TPD52L1: variants seen among roughly 807,000 people sequenced by gnomAD.
TPD52L1 encodes tumor protein D53.
TPD52L1 carries 18 observed loss-of-function variants against 28.7 expected under a neutral mutation model. That is an observed-to-expected ratio of 0.63 (90% CI 0.43 to 0.93). The LOEUF (loss-of-function observed/expected upper bound fraction) is 0.93, where lower values mean the gene tolerates loss of function less well. TPD52L1 is among the 40% of genes least tolerant of loss of function. The pLI is 0.00. For missense variants in TPD52L1, 203 were observed against 254.8 expected (o/e 0.80, Z 1.39); for synonymous variants, 75 against 88.8 (o/e 0.84, Z 0.88).
chr6:125,192,017 A>G (rs1793078962), intron 1 of TPD52L1, among the ~76,000 whole-genome samples: 2 of 152,230 alleles, frequency 1.3e-5, no homozygotes, highest in South Asian at 4.1e-4. Flanking sequence ...ACCAGCTTTC[A>G]CGATAGCTTC....
intron 1 of TPD52L1, chr6:125,154,452 G>C: frequency 1.0e-6 from 1 of 986,674 alleles, no homozygotes; most frequent in Non-Finnish European, 1.2e-6. Flanking sequence ...GCCCGGCTGC[G>C]CGAGACGCTT....
chr6:125,240,206 A>C (rs542866973), intron 3 of TPD52L1, among the ~76,000 whole-genome samples: 3 of 152,220 alleles, frequency 2.0e-5, no homozygotes, highest in African/African-American at 7.2e-5. Context: ...TACCAGTACC[A>C]TGCTATTTTG....
At chr6:125,249,793 A>G (rs1245131551) in intron 4 of TPD52L1, among the ~76,000 whole-genome samples, 2 of 151,788 alleles carry the variant, frequency 1.3e-5, no homozygotes, top group Non-Finnish European at 2.9e-5. Context: ...ATATTATTAA[A>G]TTTTATTTAC....
intron 1 of TPD52L1, among the ~76,000 whole-genome samples, chr6:125,172,552 A>ATACTATATATATATACTATATATATACT: frequency 1.4e-5 from 1 of 72,374 alleles, no homozygotes; most frequent in East Asian, 7.0e-4. Flanking sequence ...ATATATATAT[A>ATACTATATATATATACTATATATATACT]ATATATATAC....
intron 4 of TPD52L1, chr6:125,248,616 C>T (rs954149610): frequency 6.3e-6 from 3 of 478,048 alleles, no homozygotes; most frequent in African/African-American, 1.9e-5. Flanking sequence ...TACTAGGACC[C>T]GACCTGGTAA....
intron 3 of TPD52L1, among the ~76,000 whole-genome samples, chr6:125,245,528 G>C (rs938458602): frequency 6.6e-6 from 1 of 152,136 alleles, no homozygotes; most frequent in Non-Finnish European, 1.5e-5. Flanking sequence ...ACCATCAAGT[G>C]GGGGCAGGGA....
intron 1 of TPD52L1, among the ~76,000 whole-genome samples, chr6:125,218,141 C>G (rs1037766403): frequency 6.6e-5 from 10 of 152,126 alleles, no homozygotes; most frequent in African/African-American, 2.4e-4. Context: ...TGTGAATGTC[C>G]AATTTTAATA....
chr6:125,185,380 C>A lies in TPD52L1; in HGVS notation c.19+31410C>A, dbSNP rs569310389. Among the ~76,000 whole-genome samples, 29 of 152,224 alleles carry A rather than the reference C, an allele frequency of 1.9e-4. No individual in the cohort carries two copies. In the East Asian group the frequency reaches 5.2e-3, roughly 27 times the overall value. On this transcript the variant is annotated intron_variant, in intron 1 of 6. Transcript: ENST00000534000. ...CCATGAAACATTTAGAAAAATTAGT[C>A]AAGTACTTGGCCTGGAGAATAGCTT...
intron 1 of TPD52L1, among the ~76,000 whole-genome samples, chr6:125,207,771 G>A (rs1248083504): frequency 1.3e-5 from 2 of 152,202 alleles, no homozygotes; most frequent in Non-Finnish European, 2.9e-5. Context: ...GCTATTTGCT[G>A]TGCCATGAGT....
At chr6:125,252,308 G>A in intron 4 of TPD52L1, 2 of 392,024 alleles carry the variant, frequency 5.1e-6, no homozygotes, top group Non-Finnish European at 9.0e-6. Flanking sequence ...ATTTCTTCCG[G>A]TGTTGACAGA....
intron 3 of TPD52L1, among the ~76,000 whole-genome samples, chr6:125,240,885 G>A (rs1043410230): frequency 6.6e-6 from 1 of 151,984 alleles, no homozygotes; most frequent in African/African-American, 2.4e-5. Context: ...GGTGAAAGTG[G>A]GCATCCTTAT....
chr6:125,246,427 T>C (rs1201982611), intron 3 of TPD52L1, among the ~76,000 whole-genome samples: 2 of 152,194 alleles, frequency 1.3e-5, no homozygotes, highest in Non-Finnish European at 2.9e-5. Context: ...GTTCATGATG[T>C]GAGTCTCCAC....
At chr6:125,160,797 C>A (rs1200534875) in intron 1 of TPD52L1, among the ~76,000 whole-genome samples, 2 of 151,192 alleles carry the variant, frequency 1.3e-5, no homozygotes, top group African/African-American at 4.9e-5. Context: ...CTTGCTGCAG[C>A]TTTGGCAACA....
chr6:125,234,383 A>G (rs1796131374), intron 3 of TPD52L1: 1 of 152,328 alleles, frequency 6.6e-6, no homozygotes, highest in African/African-American at 2.4e-5. Flanking sequence ...TAGAAGCTTC[A>G]CATTGGAAAC....
chr6:125,214,220 T>G (rs1454818427), intron 1 of TPD52L1, among the ~76,000 whole-genome samples: 1 of 152,156 alleles, frequency 6.6e-6, no homozygotes, highest in East Asian at 1.9e-4. Flanking sequence ...ATCATATTGA[T>G]ATAATCCTTA....
At chr6:125,229,084 C>G in intron 2 of TPD52L1, 34 bp from the exon 3 acceptor site, 1 of 1,600,534 alleles carries the variant, frequency 6.2e-7, no homozygotes, top group Admixed American at 1.7e-5. Context: ...GCTGGTCTGA[C>G]ATTTTCCCCC....
intron 3 of TPD52L1, among the ~76,000 whole-genome samples, chr6:125,239,655 G>A (rs1330910635): frequency 6.6e-6 from 1 of 152,030 alleles, no homozygotes; most frequent in Non-Finnish European, 1.5e-5. Flanking sequence ...CCATATCAAT[G>A]TTTTTTACCC....
In TPD52L1 at chr6:125,235,687, C is replaced by A. The variant is rs566163209; in HGVS notation, c.284+6421C>A. Reference sequence around the variant, plus strand: ...TTCTCACTGTTTACCCTTTTGAAATCTCTTTCAATTGTTGATTTCCAAGTA... The same window carrying A: ...TTCTCACTGTTTACCCTTTTGAAATATCTTTCAATTGTTGATTTCCAAGTA... On this transcript the variant is annotated intron_variant, in intron 3 of 6. Transcript: ENST00000534000. Among the ~76,000 whole-genome samples, 23 of 152,324 alleles carry A rather than the reference C, an allele frequency of 1.5e-4. No homozygotes were observed. The East Asian group carries it at 3.7e-3, about 24-fold the overall frequency.
At chr6:125,233,050 A>C (rs1299638764) in intron 3 of TPD52L1, among the ~76,000 whole-genome samples, 3 of 152,168 alleles carry the variant, frequency 2.0e-5, no homozygotes, top group African/African-American at 7.2e-5. Flanking sequence ...ATGGTGGGCT[A>C]TTCAAAGCAG....
Sources: allele counts gnomAD v4.1 joint callset (sites outside exome capture counted in the v4.1 genomes callset), GRCh38; gene constraint gnomAD v4.1.1; transcripts MANE v1.5; gene names NCBI Gene and HGNC (gene_info 2026-07-23, HGNC 2026-07-21).